Variants in PRPSAP1 observed in about 807,000 individuals in gnomAD.
PRPSAP1 encodes the protein phosphoribosyl pyrophosphate synthase-associated protein 1.
PRPSAP1 carries 31 observed loss-of-function variants against 39.4 expected under a neutral mutation model. The ratio of observed to expected loss-of-function variants is 0.79; its 90% CI spans 0.59 to 1.06. The LOEUF is 1.06. Ranked by LOEUF, PRPSAP1 falls within the 50% of genes least tolerant of loss-of-function variation. The pLI is 0.00. For synonymous variants in PRPSAP1, 212 were observed against 192.6 expected, an observed-to-expected ratio of 1.10 and a Z score of -0.83; for missense variants, 430 against 511.6, an observed-to-expected ratio of 0.84 and a Z score of 1.54.
At chr17:76,311,817 C>T in intron 9 of PRPSAP1, 117 bp from the exon 10 acceptor site, 1 of 1,186,264 alleles carries the variant, frequency 8.4e-7, no homozygotes, top group Non-Finnish European at 1.2e-6. Flanking sequence ...AACTACAAAA[C>T]CTTGTTCCAC....
rs2071496058 is a variant in PRPSAP1 at position 76,345,922 on chromosome 17, T to A, written c.224-1185A>T. 6.8e-6 allele frequency: 3 copies of A among 439,494 alleles called. No individual in the cohort carries two copies. The Admixed American group carries it at 8.0e-5, about 12-fold the overall frequency. The allele number at this position is 439,494 out of a possible 1,614,324, so 27.2% of individuals were successfully genotyped here. A position where few individuals can be genotyped will look rare whatever the true frequency, so the allele number is the denominator to read the frequency against. On this transcript the variant is annotated intron_variant, in intron 2 of 9. Transcript: ENST00000446526. ...ACCACAGAGAAGATCTGTGAGGCTG[T>A]CTGCTAAACCTGCTCCTCCCTCCAA...
chr17:76,348,489 TA>T, intron 2 of PRPSAP1, 39 bp downstream of exon 2: 1 of 1,264,344 alleles, frequency 7.9e-7, no homozygotes, highest in South Asian at 2.1e-5. Flanking sequence ...ACTAAATAAA[TA>T]AAAAATAATT....
intron 1 of PRPSAP1, among the ~76,000 whole-genome samples, chr17:76,352,166 G>A (rs1598547358): frequency 6.6e-6 from 1 of 151,620 alleles, no homozygotes; most frequent in East Asian, 1.9e-4. Context: ...GCAATCATTT[G>A]TCAACCCTAA....
intron 3 of PRPSAP1, among the ~76,000 whole-genome samples, chr17:76,340,957 C>G (rs1179009183): frequency 6.6e-6 from 1 of 151,304 alleles, no homozygotes; most frequent in Non-Finnish European, 1.5e-5. Flanking sequence ...AAACTGGTCC[C>G]TGGTGCCAAA....
At position 76,353,802 on chromosome 17, in the gene PRPSAP1, A is replaced by G. The variant is rs776333473; in HGVS notation, c.-99T>C. On this transcript the variant is annotated 5_prime_UTR_variant, in exon 1 of 10. Coordinates refer to ENST00000446526, the MANE Select transcript of PRPSAP1 (RefSeq NM_002766.3). Reference sequence around the variant, plus strand: ...CGGTTTGGGTGGGGAAGGCGCTGAGAAACTCGGCGCAAGCGGGGAGAGCTC... The same window carrying G: ...CGGTTTGGGTGGGGAAGGCGCTGAGGAACTCGGCGCAAGCGGGGAGAGCTC... 7.2e-6 allele frequency: 10 copies of G among 1,388,406 alleles called. No homozygotes were observed. Among genetic ancestry groups the G allele is most frequent in the Non-Finnish European group, 9.3e-6 (10 of 1,079,498 alleles). 86.0% of individuals were successfully genotyped at this position (1,388,406 alleles called of 1,614,324 possible). A position where few individuals can be genotyped will look rare whatever the true frequency, so the allele number is the denominator to read the frequency against.
At chr17:76,329,988 A>C (rs1227396500) in intron 6 of PRPSAP1, 55 bp downstream of exon 6, 17 of 1,539,614 alleles carry the variant, frequency 1.1e-5, no homozygotes, top group Non-Finnish European at 1.5e-5. Context: ...AAAGCAGCTC[A>C]TTCTGACTTC....
At chr17:76,320,423 C>CCTTT (rs2071182949) in intron 7 of PRPSAP1, among the ~76,000 whole-genome samples, 1 of 73,410 alleles carries the variant, frequency 1.4e-5, no homozygotes, top group African/African-American at 6.2e-5. Flanking sequence ...GCAGATAATG[C>CCTTT]TTTTTTTTTT....
At chr17:76,333,402 AC>A (rs1186935541) in intron 3 of PRPSAP1, among the ~76,000 whole-genome samples, 2 of 151,916 alleles carry the variant, frequency 1.3e-5, no homozygotes, top group East Asian at 3.9e-4. Flanking sequence ...GACCCACTAT[AC>A]CCAGCTGGAA....
At chr17:76,348,080 G>A (rs2071529379) in intron 2 of PRPSAP1, among the ~76,000 whole-genome samples, 1 of 152,110 alleles carries the variant, frequency 6.6e-6, no homozygotes, top group Non-Finnish European at 1.5e-5. Context: ...CCAGCACTTT[G>A]GGAAGCTGCG....
intron 7 of PRPSAP1, among the ~76,000 whole-genome samples, chr17:76,318,635 G>A (rs1480523208): frequency 6.6e-6 from 1 of 152,252 alleles, no homozygotes; most frequent in East Asian, 1.9e-4. Flanking sequence ...TTTGGGAGGT[G>A]CAATTTATTA....
chr17:76,344,320 G>A (rs555271643), intron 3 of PRPSAP1, among the ~76,000 whole-genome samples: 67 of 152,246 alleles, frequency 4.4e-4, no homozygotes, highest in Admixed American at 2.6e-3. Flanking sequence ...TAGTGGAGAC[G>A]GGGTTTCACC....
chr17:76,348,260 G>C (rs1468689621), intron 2 of PRPSAP1, among the ~76,000 whole-genome samples: 1 of 151,886 alleles, frequency 6.6e-6, no homozygotes, highest in African/African-American at 2.4e-5. Flanking sequence ...GTCCCCTGAG[G>C]TCAGGAGTTT....
intron 7 of PRPSAP1, 79 bp downstream of exon 7, chr17:76,328,638 A>G (rs1240272055): frequency 2.7e-6 from 4 of 1,500,464 alleles, no homozygotes; most frequent in Non-Finnish European, 2.7e-6. Flanking sequence ...ACAAAACAAC[A>G]ACAACAAAAC....
chr17:76,346,815 G>A (rs550263494), intron 2 of PRPSAP1, among the ~76,000 whole-genome samples: 4 of 152,076 alleles, frequency 2.6e-5, no homozygotes, highest in South Asian at 4.2e-4. Flanking sequence ...AGAATTGCTC[G>A]AACCTGGGAG....
chr17:76,346,354 G>C (rs1282928414), intron 2 of PRPSAP1, among the ~76,000 whole-genome samples: 2 of 152,124 alleles, frequency 1.3e-5, no homozygotes, highest in African/African-American at 4.8e-5. Flanking sequence ...AGGAAGAGGG[G>C]CTCCCTGACT....
Position 76,352,557 on chromosome 17 carries a change from A to G in PRPSAP1, c.170+977T>C, listed in dbSNP as rs1034438087. ...CTACTTGGGAGGCTGGGGCAGGACA[A>G]TGGCGTGAACCCGGGAGGCGGAGCT... On this transcript the variant is annotated intron_variant, in intron 1 of 9. Coordinates refer to ENST00000446526, the MANE Select transcript of PRPSAP1 (RefSeq NM_002766.3). Among the ~76,000 whole-genome samples, 36 of 144,836 alleles carry G rather than the reference A, an allele frequency of 2.5e-4. No individual in the cohort carries two copies. In the Middle Eastern group the frequency reaches 0.011, roughly 44 times the overall value.
intron 7 of PRPSAP1, among the ~76,000 whole-genome samples, chr17:76,324,674 C>G (rs8074286): frequency 3.3e-5 from 5 of 151,844 alleles, no homozygotes; most frequent in Admixed American, 6.6e-5. Flanking sequence ...AGTCAATCAA[C>G]GAGGCAAACT....
At chr17:76,317,401 A>G (rs2071136026) in intron 7 of PRPSAP1, among the ~76,000 whole-genome samples, 1 of 149,808 alleles carries the variant, frequency 6.7e-6, no homozygotes, top group Non-Finnish European at 1.5e-5. Context: ...GCTCATGCCC[A>G]TAATCCCAGC....
chr17:76,351,975 A>G (rs1182644847), intron 1 of PRPSAP1, among the ~76,000 whole-genome samples: 3 of 152,102 alleles, frequency 2.0e-5, no homozygotes, highest in African/African-American at 7.2e-5. Context: ...AAGACAAACA[A>G]TCAGGGGTTA....
Sources: gnomAD v4.1 joint callset for allele counts (sites outside exome capture counted in the v4.1 genomes callset) on GRCh38, gnomAD v4.1.1 for gene constraint, MANE v1.5 for transcripts, NCBI Gene and HGNC (gene_info 2026-07-23, HGNC 2026-07-21) for gene names.